Variants in PPP1CC observed in about 807,000 individuals in gnomAD.
PPP1CC encodes serine/threonine-protein phosphatase PP1-gamma catalytic subunit.
In PPP1CC, 16 loss-of-function variants were observed where a neutral mutation model predicts 38.4. The observed-to-expected ratio is 0.42, with a 90% confidence interval of 0.28 to 0.63. The LOEUF (loss-of-function observed/expected upper bound fraction) is 0.63, where lower values mean the gene tolerates loss of function less well. Ranked by LOEUF, PPP1CC falls within the 30% of genes least tolerant of loss-of-function variation. The probability of loss-of-function intolerance (pLI) is 0.25; values close to 1 mark genes in which losing one functional copy is unlikely to be tolerated. For missense variants in PPP1CC, 170 were observed against 391.3 expected (o/e 0.43, Z 4.77); for synonymous variants, 158 against 136.0 (o/e 1.16, Z -1.13).
At chr12:110,715,249 A>G (rs541428011), downstream of PPP1CC, among the ~76,000 whole-genome samples, 10 of 152,252 alleles carry the variant, frequency 6.6e-5, no homozygotes, top group South Asian at 2.1e-3. Flanking sequence ...TAAAATCAGT[A>G]TTTGGTGGTC....
intron 3 of PPP1CC, among the ~76,000 whole-genome samples, chr12:110,727,826 G>A (rs1435842098): frequency 2.0e-5 from 3 of 152,104 alleles, no homozygotes; most frequent in Non-Finnish European, 4.4e-5. Context: ...AAGTAGACTG[G>A]ATGGCAAATT....
intron 1 of PPP1CC, among the ~76,000 whole-genome samples, chr12:110,739,895 GTTAT>G (rs1288378233): frequency 2.0e-5 from 3 of 152,152 alleles, no homozygotes; most frequent in African/African-American, 4.8e-5. Context: ...TTACTGTGTA[GTTAT>G]TTAAATAACT....
At chr12:110,741,315 G>A (rs1421395287) in intron 1 of PPP1CC, among the ~76,000 whole-genome samples, 1 of 152,046 alleles carries the variant, frequency 6.6e-6, no homozygotes, top group Non-Finnish European at 1.5e-5. Flanking sequence ...TAACACCAGA[G>A]CTGTCCAACT....
intron 3 of PPP1CC, 140 bp downstream of exon 3, chr12:110,730,389 C>G (rs1355146197): frequency 8.0e-6 from 6 of 748,796 alleles, no homozygotes; most frequent in Non-Finnish European, 1.2e-5. Flanking sequence ...AAGCTAAAAA[C>G]AAGTTGATGA....
chr12:110,742,345 G>A (rs1228069398), intron 1 of PPP1CC, among the ~76,000 whole-genome samples: 1 of 152,120 alleles, frequency 6.6e-6, no homozygotes, highest in Non-Finnish European at 1.5e-5. Flanking sequence ...GTGCGCGGGG[G>A]CAAACGGGTA....
intron 1 of PPP1CC, among the ~76,000 whole-genome samples, chr12:110,736,361 C>T (rs541369190): frequency 1.3e-5 from 2 of 152,188 alleles, no homozygotes; most frequent in Non-Finnish European, 2.9e-5. Context: ...AAAAGAATAG[C>T]AGCCAGATGT....
Position 110,721,026 on chromosome 12 carries a change from G to C in PPP1CC, c.*50C>G. The C allele has an allele frequency of 2.0e-6, 3 of 1,520,752 alleles. No homozygotes were observed. The highest frequency in any genetic ancestry group is 2.7e-6 in the Non-Finnish European group (3 of 1,095,754). 94.2% of individuals were successfully genotyped at this position (1,520,752 alleles called of 1,614,324 possible). A position where few individuals can be genotyped will look rare whatever the true frequency, so the allele number is the denominator to read the frequency against. On this transcript the variant is annotated 3_prime_UTR_variant, in exon 7 of 7. Coordinates refer to ENST00000335007, the MANE Select transcript of PPP1CC (RefSeq NM_002710.4). ...ACACATTACAGTCTTAAAAATGAAG[G>C]TTATATACTCTATGTTACAAGTCCC...
chr12:110,720,093 A>T lies in PPP1CC; in HGVS notation c.*983T>A. 6.6e-7 allele frequency: 1 copy of T among 1,505,286 alleles called. No homozygotes were observed. The highest frequency in any genetic ancestry group is 8.9e-7 in the Non-Finnish European group (1 of 1,119,428). The allele number at this position is 1,505,286 out of a possible 1,614,324, so 93.2% of individuals were successfully genotyped here. A position where few individuals can be genotyped will look rare whatever the true frequency, so the allele number is the denominator to read the frequency against. ...GTTTTAACTTATAAGCCTCAACTTC[A>T]CCGCAGAATAAAGAATGTAGGCCAA... On this transcript the variant is annotated 3_prime_UTR_variant, in exon 7 of 7. Coordinates refer to ENST00000335007, the MANE Select transcript of PPP1CC (RefSeq NM_002710.4).
chr12:110,735,490 C>G (rs896761295), intron 1 of PPP1CC, among the ~76,000 whole-genome samples: 3 of 152,090 alleles, frequency 2.0e-5, no homozygotes, highest in Non-Finnish European at 4.4e-5. Flanking sequence ...ACTTCAAAAC[C>G]AAAGGAGAAG....
downstream of PPP1CC, among the ~76,000 whole-genome samples, chr12:110,715,355 C>G (rs940059265): frequency 2.6e-5 from 4 of 152,026 alleles, no homozygotes; most frequent in Non-Finnish European, 5.9e-5. Flanking sequence ...GGGTCTCACT[C>G]TGTCGCCCAG....
In PPP1CC at chr12:110,720,298, T is replaced by A; in HGVS notation, c.*778A>T. 9.3e-7 allele frequency: 1 copy of A among 1,079,790 alleles called. No homozygotes were observed. The highest frequency in any genetic ancestry group is 1.3e-6 in the Non-Finnish European group (1 of 748,446). The allele number at this position is 1,079,790 out of a possible 1,614,324, so 66.9% of individuals were successfully genotyped here. ...AGTAGCTTAAACAGCACTATATCACTAATTGCTATTCAAAATCAAAAACCT... is the reference window on the plus strand; with the variant it reads ...AGTAGCTTAAACAGCACTATATCACAAATTGCTATTCAAAATCAAAAACCT... On this transcript the variant is annotated 3_prime_UTR_variant, in exon 7 of 7. Transcript: ENST00000335007.
chr12:110,724,557 G>A (rs1318755475), intron 4 of PPP1CC, 103 bp downstream of exon 4: 12 of 703,764 alleles, frequency 1.7e-5, no homozygotes, highest in Non-Finnish European at 3.1e-5. Context: ...AAAGGAGAGT[G>A]TTCTGTCAGA....
intron 3 of PPP1CC, among the ~76,000 whole-genome samples, chr12:110,727,256 T>C (rs939441682): frequency 1.3e-5 from 2 of 152,322 alleles, no homozygotes; most frequent in African/African-American, 4.8e-5. Flanking sequence ...CCGGCTTTGA[T>C]TCTTTAGTTA....
intron 1 of PPP1CC, among the ~76,000 whole-genome samples, chr12:110,737,357 A>C (rs1008464509): frequency 3.3e-5 from 5 of 151,624 alleles, no homozygotes; most frequent in Non-Finnish European, 7.4e-5. Flanking sequence ...ACATGCCTGT[A>C]GTCCCAGCTA....
chr12:110,731,700 G>T (rs2069873736), intron 2 of PPP1CC, 70 bp downstream of exon 2: 1 of 1,518,310 alleles, frequency 6.6e-7, no homozygotes, highest in Non-Finnish European at 9.0e-7. Context: ...CTAATACAAG[G>T]TCATCAACAT....
Position 110,720,999 on chromosome 12 carries a change from G to A in PPP1CC, c.*77C>T, listed in dbSNP as rs2069732379. ...CAGATCTATCTGAGCAAGCTGACCA[G>A]TACACATTACAGTCTTAAAAATGAA... is the stretch of plus-strand genomic sequence containing the variant. On this transcript the variant is annotated 3_prime_UTR_variant, in exon 7 of 7. Transcript: ENST00000335007. 2 of 1,330,374 alleles carry A rather than the reference G, an allele frequency of 1.5e-6. No homozygotes were observed. The highest frequency in any genetic ancestry group is 1.2e-5 in the South Asian group (1 of 83,616). 82.4% of individuals were successfully genotyped at this position (1,330,374 alleles called of 1,614,324 possible). A position where few individuals can be genotyped will look rare whatever the true frequency, so the allele number is the denominator to read the frequency against.
At chr12:110,731,711 A>G (rs2069873844) in intron 2 of PPP1CC, 59 bp downstream of exon 2, 3 of 1,559,700 alleles carry the variant, frequency 1.9e-6, no homozygotes, top group Non-Finnish European at 2.6e-6. Context: ...TCATCAACAT[A>G]TCCTTGACTC....
At chr12:110,716,386 T>G (rs2069687931), downstream of PPP1CC, among the ~76,000 whole-genome samples, 1 of 151,628 alleles carries the variant, frequency 6.6e-6, no homozygotes, top group South Asian at 2.1e-4. Flanking sequence ...AGAGTCTCGC[T>G]CTGTTGCCCA....
Position 110,724,733 on chromosome 12 carries a change from T to C in PPP1CC, c.450A>G (p.Lys150=). The change falls in exon 4 of 7, where the codon AAA becomes AAG. Residue 150 remains lysine, a synonymous_variant. Coordinates refer to ENST00000335007, the MANE Select transcript of PPP1CC (RefSeq NM_002710.4). ...AACAGTTAAAACAGTCTGTGAAAGT[T>C]TTCCATAGTTTAATGTTGTATCTTC... ...CKRRYNIKLW[K]TFTDCFNCLP... 6.2e-7 allele frequency: 1 copy of C among 1,609,200 alleles called. No individual in the cohort carries two copies. The highest frequency in any genetic ancestry group is 8.5e-7 in the Non-Finnish European group (1 of 1,175,662).
Sources: allele counts gnomAD v4.1 joint callset (sites outside exome capture counted in the v4.1 genomes callset), GRCh38; gene constraint gnomAD v4.1.1; transcripts MANE v1.5; gene names NCBI Gene and HGNC (gene_info 2026-07-23, HGNC 2026-07-21).